The following PCDHGA9 variants were observed in gnomAD, a reference collection of about 807,000 sequenced individuals.
PCDHGA9 encodes protocadherin gamma subfamily A, 9.
Under a neutral mutation model 62.5 loss-of-function variants are expected in PCDHGA9, and 37 were observed. The observed-to-expected ratio is 0.59, with a 90% confidence interval of 0.46 to 0.78. The LOEUF (loss-of-function observed/expected upper bound fraction) is 0.78, where lower values mean the gene tolerates loss of function less well. Among genes scored for constraint, PCDHGA9 ranks in the 30% least tolerant of loss-of-function variants. The probability of loss-of-function intolerance (pLI) is 0.00; values close to 1 mark genes in which losing one functional copy is unlikely to be tolerated. For synonymous variants in PCDHGA9, 459 were observed against 484.6 expected (o/e 0.95, Z 0.69); for missense variants, 1,138 against 1,166.2 (o/e 0.98, Z 0.35).
rs766784928 is a variant in PCDHGA9, at chr5:141,431,447, G to T, written c.2424+26071G>T. ...GCGCACAGGCACCGCGCGCATCCGC[G>T]TGATGGTTCTGGATGCGAACGACAA... On this transcript the variant is annotated intron_variant, in intron 1 of 3. Coordinates refer to ENST00000573521, the MANE Select transcript of PCDHGA9 (RefSeq NM_018921.3). The surrounding 1 kb of genome is among the most constrained non-coding windows in gnomAD (Gnocchi z 4.8). 2 of 1,613,792 alleles carry T rather than the reference G, an allele frequency of 1.2e-6. No individual in the cohort carries two copies. The highest frequency in any genetic ancestry group is 1.7e-6 in the Non-Finnish European group (2 of 1,180,014).
rs1361609314 is a variant in PCDHGA9 at position 141,423,642 on chromosome 5, TGACCC to T, written c.2424+18270_2424+18274del. 6 of 1,596,888 alleles carry T rather than the reference TGACCC, an allele frequency of 3.8e-6. No individual in the cohort carries two copies. In the South Asian group the frequency reaches 5.7e-5, roughly 15 times the overall value. ...ACTCAGCTATCATTTTAGGCAAATGTGACCCGACAAGTAATCAGGTGAGATTTATT... is the reference window on the plus strand; with the variant it reads ...ACTCAGCTATCATTTTAGGCAAATGTGACAAGTAATCAGGTGAGATTTATT... On this transcript the variant is annotated intron_variant, in intron 1 of 3. Transcript: ENST00000573521.
chr5:141,434,724 C>T (rs2097712360), intron 1 of PCDHGA9, among the ~76,000 whole-genome samples: 2 of 151,800 alleles, frequency 1.3e-5, no homozygotes, highest in Admixed American at 1.3e-4. Flanking sequence ...GTTCAGGGCT[C>T]TCAGCTCTGA....
At chr5:141,405,442 C>A in intron 1 of PCDHGA9, 66 bp downstream of exon 1, 1 of 1,378,146 alleles carries the variant, frequency 7.3e-7, no homozygotes, top group Non-Finnish European at 1.0e-6. Context: ...GTTTTTGAGA[C>A]AGAGTCTTAC....
intron 1 of PCDHGA9, among the ~76,000 whole-genome samples, chr5:141,484,369 G>A (rs1218433750): frequency 6.6e-6 from 1 of 152,164 alleles, no homozygotes; most frequent in Non-Finnish European, 1.5e-5. Flanking sequence ...TGTATCACTA[G>A]CAAATGTCTG....
intron 1 of PCDHGA9, chr5:141,421,969 T>C (rs1039340340): frequency 1.2e-6 from 2 of 1,611,188 alleles, no homozygotes; most frequent in Admixed American, 1.7e-5. Flanking sequence ...ACAGTCCGTA[T>C]ATCGCGTGAG....
intron 1 of PCDHGA9, among the ~76,000 whole-genome samples, chr5:141,470,664 G>A (rs1308061207): frequency 6.6e-6 from 1 of 151,882 alleles, no homozygotes; most frequent in Non-Finnish European, 1.5e-5. Context: ...CTTTGGTTAG[G>A]GCTCTGCTGT....
At chr5:141,423,837 A>G (rs73792199) in intron 1 of PCDHGA9, 16,285 of 1,277,458 alleles carry the variant, frequency 0.013, 610 homozygotes, top group African/African-American at 0.098. Context: ...TGAGATTACG[A>G]TAATCTTTCA....
At chr5:141,428,186 CCGCTCTCTGCGCCGCTA>C (rs1167279209) in intron 1 of PCDHGA9, 1 of 1,460,956 alleles carries the variant, frequency 6.8e-7, no homozygotes, top group Admixed American at 1.8e-5. Context: ...AGGACAGCCG[CCGCTCTCTGCGCCGCTA>C]CGCTTCACCT....
At chr5:141,510,844 C>A in intron 3 of PCDHGA9, 103 bp from the exon 4 acceptor site, 1 of 1,592,684 alleles carries the variant, frequency 6.3e-7, no homozygotes, top group South Asian at 1.1e-5. Context: ...GTGGTCAAGG[C>A]CCAGGGTGCT....
At chr5:141,405,457 T>TC in intron 1 of PCDHGA9, 81 bp downstream of exon 1, 3 of 1,256,668 alleles carry the variant, frequency 2.4e-6, no homozygotes, top group South Asian at 1.4e-5. Context: ...TCTTACTCTG[T>TC]TACCCAGGCT....
intron 1 of PCDHGA9, among the ~76,000 whole-genome samples, chr5:141,474,651 C>T (rs2099352565): frequency 6.6e-6 from 1 of 152,178 alleles, no homozygotes; most frequent in South Asian, 2.1e-4. Flanking sequence ...ATCCTTACTT[C>T]TTTTCTACCT....
In PCDHGA9 at chr5:141,489,399, C is replaced by A. The variant is rs2099686689; in HGVS notation, c.2425-5408C>A. On this transcript the variant is annotated intron_variant, in intron 1 of 3. Coordinates refer to ENST00000573521, the MANE Select transcript of PCDHGA9 (RefSeq NM_018921.3). The surrounding 1 kb of genome is among the most constrained non-coding windows in gnomAD (Gnocchi z 4.5). ...TGGGGAATGTTGCTCAGGATCTGGGCTTAAAGATGACAGATCTGTTGAGCC... is the reference window on the plus strand; with the variant it reads ...TGGGGAATGTTGCTCAGGATCTGGGATTAAAGATGACAGATCTGTTGAGCC... 1 of 1,614,024 alleles carries A rather than the reference C, an allele frequency of 6.2e-7. No homozygotes were observed. Among genetic ancestry groups the A allele is most frequent in the African/African-American group, 1.3e-5 (1 of 74,910 alleles).
At chr5:141,433,935 T>G (rs2097665519) in intron 1 of PCDHGA9, among the ~76,000 whole-genome samples, 2 of 152,150 alleles carry the variant, frequency 1.3e-5, no homozygotes, top group African/African-American at 2.4e-5. Context: ...GATTTTATAA[T>G]TCCATTGTTT....
At chr5:141,500,840 C>G (rs1394248251) in intron 2 of PCDHGA9, among the ~76,000 whole-genome samples, 1 of 151,966 alleles carries the variant, frequency 6.6e-6, no homozygotes, top group Non-Finnish European at 1.5e-5. Context: ...TGCTAATGGG[C>G]TTTTGCTACA....
At chr5:141,499,620 G>A (rs557854340) in intron 2 of PCDHGA9, among the ~76,000 whole-genome samples, 1 of 150,986 alleles carries the variant, frequency 6.6e-6, no homozygotes, top group Non-Finnish European at 1.5e-5. Context: ...TCCTGTCCTT[G>A]GATTCTTTTG....
At chr5:141,419,419 C>T (rs767018815) in intron 1 of PCDHGA9, 1 of 1,613,266 alleles carries the variant, frequency 6.2e-7, no homozygotes, top group Non-Finnish European at 8.5e-7. Flanking sequence ...AGCGCGCCTT[C>T]GACCACGAGC....
Position 141,476,790 on chromosome 5 carries a change from C to T in PCDHGA9, c.2425-18017C>T. ...TTGGACGGAGGGACCCCAGCTCTCT[C>T]CGCCAGCCTGCCTATTCACATCAAG... On this transcript the variant is annotated intron_variant, in intron 1 of 3. Coordinates refer to ENST00000573521, the MANE Select transcript of PCDHGA9 (RefSeq NM_018921.3). This position sits in a 1 kb window ranked among gnomAD's most constrained non-coding sequence, Gnocchi z 7.6. 1 of 1,613,606 alleles carries T rather than the reference C, an allele frequency of 6.2e-7. No homozygotes were observed. Among genetic ancestry groups the T allele is most frequent in the South Asian group, 1.1e-5 (1 of 91,084 alleles).
Position 141,487,059 on chromosome 5 carries a change from G to A in PCDHGA9, c.2425-7748G>A, listed in dbSNP as rs760836605. 1.7e-5 allele frequency: 27 copies of A among 1,613,952 alleles called. No homozygotes were observed. Among genetic ancestry groups the A allele is most frequent in the Non-Finnish European group, 2.0e-5 (24 of 1,179,994 alleles). On this transcript the variant is annotated intron_variant, in intron 1 of 3. Transcript: ENST00000573521. This position sits in a 1 kb window ranked among gnomAD's most constrained non-coding sequence, Gnocchi z 5.0. ...GTCTCTCGATATGCTGGGGAGGTGC[G>A]GACGGCTGTTCCTATCCCAGCTGAC...
At chr5:141,421,583 G>A (rs765321947) in intron 1 of PCDHGA9, 1 of 1,613,796 alleles carries the variant, frequency 6.2e-7, no homozygotes, top group African/African-American at 1.3e-5. Context: ...AAGATTTACG[G>A]AGTGGAGGTG....
Sources: gnomAD v4.1 joint callset for allele counts (sites outside exome capture counted in the v4.1 genomes callset) on GRCh38, gnomAD v4.1.1 for gene constraint, Gnocchi (gnomAD v3.1) non-coding constraint, MANE v1.5 for transcripts, NCBI Gene and HGNC (gene_info 2026-07-23, HGNC 2026-07-21) for gene names.